The following EXOC6 variants were observed in gnomAD, a reference collection of about 807,000 sequenced individuals.
The protein encoded by EXOC6 is exocyst complex component 6.
A neutral mutation model predicts 112.5 loss-of-function variants in EXOC6; 60 were observed. The observed-to-expected ratio is 0.53, with a 90% confidence interval of 0.43 to 0.66. The LOEUF (loss-of-function observed/expected upper bound fraction) is 0.66, where lower values mean the gene tolerates loss of function less well. Among genes scored for constraint, EXOC6 ranks in the 30% least tolerant of loss-of-function variants. EXOC6 has a pLI of 0.00. For synonymous variants in EXOC6, 295 were observed against 308.0 expected (o/e 0.96, Z 0.44); for missense variants, 855 against 957.1 (o/e 0.89, Z 1.41).
chr10:92,940,006 C>T (rs533859002), intron 12 of EXOC6, among the ~76,000 whole-genome samples: 1 of 152,184 alleles, frequency 6.6e-6, no homozygotes, highest in South Asian at 2.1e-4. Flanking sequence ...TCTTGTTTTT[C>T]TTGGCTTAAA....
At chr10:92,930,976 G>A (rs1290796677) in intron 9 of EXOC6, among the ~76,000 whole-genome samples, 1 of 152,016 alleles carries the variant, frequency 6.6e-6, no homozygotes, top group Non-Finnish European at 1.5e-5. Flanking sequence ...GCTGGGAGTG[G>A]TGGCGTGTGC....
chr10:92,876,530 G>T (rs1203150769), intron 1 of EXOC6, among the ~76,000 whole-genome samples: 3 of 152,128 alleles, frequency 2.0e-5, no homozygotes, highest in African/African-American at 7.2e-5. Context: ...TTAACCTGGA[G>T]TATCAGATAA....
At chr10:92,854,468 T>G (rs969494463) in intron 1 of EXOC6, among the ~76,000 whole-genome samples, 1 of 151,988 alleles carries the variant, frequency 6.6e-6, no homozygotes, top group Non-Finnish European at 1.5e-5. Context: ...ATACCATGTA[T>G]TGGTAAGGAT....
chr10:92,937,996 A>G (rs962548615), intron 12 of EXOC6, among the ~76,000 whole-genome samples: 1 of 152,194 alleles, frequency 6.6e-6, no homozygotes, highest in East Asian at 1.9e-4. Flanking sequence ...TGCAGTTGGC[A>G]TCTTGCTACA....
intron 18 of EXOC6, among the ~76,000 whole-genome samples, chr10:92,995,869 A>G (rs1199554810): frequency 1.3e-5 from 2 of 152,202 alleles, no homozygotes; most frequent in Non-Finnish European, 2.9e-5. Context: ...TTCACTGTGC[A>G]TAGTGTCTAA....
At chr10:92,942,072 G>A (rs945339684) in intron 13 of EXOC6, among the ~76,000 whole-genome samples, 1 of 152,108 alleles carries the variant, frequency 6.6e-6, no homozygotes, top group African/African-American at 2.4e-5. Context: ...CAAAACTATG[G>A]AGATTGACCT....
chr10:92,872,289 T>C (rs1848491555), intron 1 of EXOC6, among the ~76,000 whole-genome samples: 1 of 152,082 alleles, frequency 6.6e-6, no homozygotes, highest in Admixed American at 6.5e-5. Context: ...ACTTTCCAAG[T>C]ATGGAGAGTC....
chr10:92,916,040 C>A, intron 7 of EXOC6, 127 bp downstream of exon 7: 1 of 655,652 alleles, frequency 1.5e-6, no homozygotes, highest in Non-Finnish European at 2.4e-6. Context: ...TTGTCAGAGT[C>A]AAAATGGAGT....
chr10:92,869,121 T>TA (rs760010953), intron 1 of EXOC6, among the ~76,000 whole-genome samples: 25 of 152,138 alleles, frequency 1.6e-4, no homozygotes, highest in Non-Finnish European at 3.4e-4. Flanking sequence ...AAGATGGTCA[T>TA]ACGATTGTTT....
chr10:92,997,427 C>A, intron 18 of EXOC6, 47 bp from the exon 19 acceptor site: 4 of 1,548,562 alleles, frequency 2.6e-6, no homozygotes, highest in South Asian at 1.2e-5. Context: ...TGATGTATTT[C>A]TATGTGTGTT....
At chr10:93,014,705 A>G (rs1038103425) in intron 20 of EXOC6, among the ~76,000 whole-genome samples, 10 of 152,164 alleles carry the variant, frequency 6.6e-5, no homozygotes, top group Non-Finnish European at 1.2e-4. Context: ...AAAGAATGCT[A>G]TTTTTATAAA....
chr10:92,980,202 G>A (rs1225016044), intron 18 of EXOC6, among the ~76,000 whole-genome samples: 1 of 152,156 alleles, frequency 6.6e-6, no homozygotes, highest in Non-Finnish European at 1.5e-5. Context: ...GGGCTGTAGA[G>A]TTAGAAATAC....
chr10:92,921,672 G>A (rs1851454692), intron 8 of EXOC6, among the ~76,000 whole-genome samples: 2 of 147,326 alleles, frequency 1.4e-5, no homozygotes, highest in South Asian at 4.3e-4. Flanking sequence ...TTTTGAGATA[G>A]GGTCTTGCTC....
chr10:92,985,326 C>T (rs960185812), intron 18 of EXOC6, among the ~76,000 whole-genome samples: 1 of 152,158 alleles, frequency 6.6e-6, no homozygotes, highest in Non-Finnish European at 1.5e-5. Context: ...TAATGCACAG[C>T]TGGCTCCAAG....
At chr10:92,992,426 T>C (rs987800572) in intron 18 of EXOC6, among the ~76,000 whole-genome samples, 1 of 152,178 alleles carries the variant, frequency 6.6e-6, no homozygotes, top group African/African-American at 2.4e-5. Flanking sequence ...CATTTCAGTG[T>C]TATGTACAGT....
chr10:92,940,457 T>C (rs1044384440), intron 12 of EXOC6, among the ~76,000 whole-genome samples: 6 of 152,142 alleles, frequency 3.9e-5, no homozygotes, highest in Admixed American at 3.9e-4. Context: ...TGACTTCTAA[T>C]ACTTTTTAAG....
At chr10:92,949,361 T>C (rs1853252619) in intron 14 of EXOC6, among the ~76,000 whole-genome samples, 1 of 152,224 alleles carries the variant, frequency 6.6e-6, no homozygotes, top group South Asian at 2.1e-4. Context: ...ATGCCGCCAT[T>C]GCATATACCT....
At position 92,968,471 on chromosome 10, in the gene EXOC6, C is replaced by T. The variant is rs1842155148; in HGVS notation, c.1774-5582C>T. ...AAACTGCTGGGATTATAGGCATAAACCACTGTGCCTGCCATGTTTTACATA... is the reference window on the plus strand; with the variant it reads ...AAACTGCTGGGATTATAGGCATAAATCACTGTGCCTGCCATGTTTTACATA... On this transcript the variant is annotated intron_variant, in intron 17 of 21. Transcript: ENST00000260762. Among the ~76,000 whole-genome samples the T allele has an allele frequency of 2.6e-5, 4 of 152,118 alleles. No individual in the cohort carries two copies. The South Asian group carries it at 8.3e-4, about 32-fold the overall frequency.
intron 1 of EXOC6, among the ~76,000 whole-genome samples, chr10:92,879,768 AATT>A (rs1358291287): frequency 1.3e-5 from 2 of 152,160 alleles, no homozygotes; most frequent in East Asian, 3.9e-4. Flanking sequence ...TCTTTAGTAA[AATT>A]ATTATATGTG....
Sources: allele counts gnomAD v4.1 joint callset (sites outside exome capture counted in the v4.1 genomes callset), GRCh38; gene constraint gnomAD v4.1.1; transcripts MANE v1.5; gene names NCBI Gene and HGNC (gene_info 2026-07-23, HGNC 2026-07-21).